DNAH17: variants seen among roughly 807,000 people sequenced by gnomAD.
DNAH17 encodes axonemal beta dynein heavy chain 17.
Under a neutral mutation model 485.6 loss-of-function variants are expected in DNAH17, and 376 were observed. The observed-to-expected ratio is 0.77, with a 90% CI of 0.71 to 0.84. The LOEUF is 0.84. Ranked by LOEUF, DNAH17 falls within the 40% of genes least tolerant of loss-of-function variation. The pLI is 0.00. For synonymous variants in DNAH17, 3,031 were observed against 2,405.9 expected (o/e 1.26, Z -7.60); for missense variants, 6,370 against 5,839.3 (o/e 1.09, Z -2.96).
intron 25 of DNAH17, among the ~76,000 whole-genome samples, chr17:78,516,228 G>C (rs1227464197): frequency 6.6e-6 from 1 of 152,242 alleles, no homozygotes; most frequent in African/African-American, 2.4e-5. Context: ...GTCTTGGCTA[G>C]TGTGTTTTGG....
chr17:78,541,229 GGATGGGT>G (rs2091569354), intron 17 of DNAH17, among the ~76,000 whole-genome samples: 1 of 25,688 alleles, frequency 3.9e-5, no homozygotes, highest in Non-Finnish European at 6.3e-5. Flanking sequence ...GGGGGTGAGC[GGATGGGT>G]GGGTGGGGGG....
At position 78,545,066 on chromosome 17, in the gene DNAH17, A is replaced by T. The variant is rs548462825; in HGVS notation, c.2392-1069T>A. 7.4e-3 allele frequency among the ~76,000 whole-genome samples: 1,054 copies of T among 143,030 alleles called. 32 individuals are homozygous for T. The East Asian group carries it at 0.074, about 10-fold the overall frequency. 93.8% of individuals were successfully genotyped at this position (143,030 alleles called of 152,430 possible). ...CACGGCTGCCTCTGTCACTCTTATC[A>T]TTTACGGACTCTACATCATCAATTC... On this transcript the variant is annotated intron_variant, in intron 16 of 80. Transcript: ENST00000389840.
intron 25 of DNAH17, chr17:78,522,506 G>C (rs149397865): frequency 5.9e-6 from 2 of 336,374 alleles, no homozygotes; most frequent in Non-Finnish European, 1.2e-5. Flanking sequence ...GGGGCCTCAC[G>C]AGGAGGGACA....
chr17:78,518,061 G>A (rs1352751327), intron 25 of DNAH17, among the ~76,000 whole-genome samples: 1 of 152,180 alleles, frequency 6.6e-6, no homozygotes, highest in Admixed American at 6.6e-5. Context: ...TCCTAAAAAT[G>A]TTAAAATAAA....
In DNAH17 at chr17:78,429,036, T is replaced by C. The variant is rs900627740; in HGVS notation, c.12405+85A>G. 4.8e-6 allele frequency: 7 copies of C among 1,451,126 alleles called. No homozygotes were observed. In the East Asian group the frequency reaches 1.6e-4, roughly 33 times the overall value. The allele number at this position is 1,451,126 out of a possible 1,614,324, so 89.9% of individuals were successfully genotyped here. ...GCTGCCTGGGTTCTTGCTCAATTAT[T>C]GACACTCCATTTGTGCTGGCAGGCT... On this transcript the variant is annotated intron_variant, in intron 76 of 80. Coordinates refer to ENST00000389840, the MANE Select transcript of DNAH17 (RefSeq NM_173628.4).
At chr17:78,552,238 G>A (rs779097772) in intron 15 of DNAH17, among the ~76,000 whole-genome samples, 3 of 152,194 alleles carry the variant, frequency 2.0e-5, no homozygotes, top group Non-Finnish European at 4.4e-5. Flanking sequence ...CAGAGATGGG[G>A]CCAGGGGGTC....
intron 75 of DNAH17, among the ~76,000 whole-genome samples, chr17:78,432,727 T>G (rs956911409): frequency 6.6e-6 from 1 of 152,180 alleles, no homozygotes; most frequent in Non-Finnish European, 1.5e-5. Context: ...GGTCTTGAGC[T>G]TTATTACAAG....
At position 78,455,756 on chromosome 17, in the gene DNAH17, C is replaced by T. The variant is rs751742547; in HGVS notation, c.10058G>A (p.Cys3353Tyr). 5.6e-6 allele frequency: 9 copies of T among 1,613,392 alleles called. No individual in the cohort carries two copies. Among genetic ancestry groups the T allele is most frequent in the Non-Finnish European group, 7.6e-6 (9 of 1,179,732 alleles). ...ENFRSQGVTL[C>Y]GDVLLISAFV... ...GGCAGAGATGAGCAGGACGTCCCCA[C>T]ACAGCGTGACCCCCTGGCTCCTGAA... Residue 3353 changes from cysteine (C) to tyrosine (Y), a missense_variant, in exon 63 of 81, where the codon TGT (cysteine) becomes TAT (tyrosine). By Grantham distance (194) the Cys-to-Tyr change is radical. Coordinates refer to ENST00000389840, the MANE Select transcript of DNAH17 (RefSeq NM_173628.4).
chr17:78,485,225 G>C (rs144552969), intron 47 of DNAH17, 192 bp from the exon 48 acceptor site: 3 of 715,846 alleles, frequency 4.2e-6, no homozygotes, highest in South Asian at 3.9e-5. Flanking sequence ...TAAACAGAGC[G>C]ATCAGAGGCG....
rs764357671 is a variant in DNAH17 at position 78,525,079 on chromosome 17, T to C, written c.3794A>G (p.Asp1265Gly). 5 of 1,613,834 alleles carry C rather than the reference T, an allele frequency of 3.1e-6. No individual in the cohort carries two copies. In the South Asian group the frequency reaches 5.5e-5, roughly 18 times the overall value. Residue 1265 changes from aspartate to glycine, a missense_variant, in exon 25 of 81, where the codon GAC (aspartate) becomes GGC (glycine). Asp to Gly is a moderately conservative substitution (Grantham distance 94, BLOSUM62 -1). Transcript: ENST00000389840. ...SGGLFEVPVP[D>G]YKQLKACHRE... is the part of the protein sequence containing the mutation. ...GTGGCAGGCCTTGAGCTGCTTGTAG[T>C]CTGGGACGGGGACCTCGAACAGGCC... is the stretch of plus-strand genomic sequence containing the variant.
intron 19 of DNAH17, among the ~76,000 whole-genome samples, chr17:78,534,507 G>T (rs537270488): frequency 1.3e-5 from 2 of 152,314 alleles, no homozygotes; most frequent in Admixed American, 1.3e-4. Flanking sequence ...TCAGCCATGG[G>T]CTCGCCTGTG....
Position 78,444,898 on chromosome 17 carries a change from G to T in DNAH17, c.11335-101C>A. ...CAAGGAGGAGAGGCCATTACCCTCC[G>T]AGGAAACCGGGGCTCTGGGATAAGG... On this transcript the variant is annotated intron_variant, in intron 70 of 80. Coordinates refer to ENST00000389840, the MANE Select transcript of DNAH17 (RefSeq NM_173628.4). 5 of 1,194,918 alleles carry T rather than the reference G, an allele frequency of 4.2e-6. No individual in the cohort carries two copies. In the South Asian group the frequency reaches 6.9e-5, roughly 17 times the overall value. 74.0% of individuals were successfully genotyped at this position (1,194,918 alleles called of 1,614,324 possible).
intron 78 of DNAH17, 101 bp from the exon 79 acceptor site, chr17:78,426,701 G>A (rs779625219): frequency 6.8e-7 from 1 of 1,480,610 alleles, no homozygotes; most frequent in South Asian, 1.3e-5. Context: ...GTGGCTTTGT[G>A]CTGCGCCTCT....
At chr17:78,519,154 C>T (rs1483785355) in intron 25 of DNAH17, among the ~76,000 whole-genome samples, 8 of 104,786 alleles carry the variant, frequency 7.6e-5, no homozygotes, top group Non-Finnish European at 1.0e-4. Context: ...GGTGAAAGAG[C>T]GAGACTCCGT....
At chr17:78,472,841 C>A in intron 54 of DNAH17, 1 of 424,478 alleles carries the variant, frequency 2.4e-6, no homozygotes, top group Non-Finnish European at 4.9e-6. Flanking sequence ...ACCCAGGTCA[C>A]CCTTCAGCAG....
Position 78,570,256 on chromosome 17 carries a change from G to T in DNAH17, c.1035C>A (p.Ile345=), listed in dbSNP as rs773506415. The part of the protein sequence containing the change: ...IVILQEFCNQ[I]IEMTRTFLSP... ...GCCAGGGGAGGGTTACCATCTCGAT[G>T]ATTTGGTTGCAGAACTCCTGCAGGA... The change falls in exon 7 of 81, where the codon ATC becomes ATA. Residue 345 remains isoleucine (I), a synonymous_variant. Coordinates refer to ENST00000389840, the MANE Select transcript of DNAH17 (RefSeq NM_173628.4). 2 of 1,586,616 alleles carry T rather than the reference G, an allele frequency of 1.3e-6. No individual in the cohort carries two copies. Among genetic ancestry groups the T allele is most frequent in the South Asian group, 1.2e-5 (1 of 86,608 alleles).
intron 71 of DNAH17, among the ~76,000 whole-genome samples, chr17:78,441,683 A>C (rs191881304): frequency 1.3e-5 from 2 of 152,182 alleles, no homozygotes; most frequent in Non-Finnish European, 2.9e-5. Context: ...CCTCCCATGG[A>C]GGACCGAGTG....
chr17:78,450,017 C>T, intron 68 of DNAH17: 1 of 558,204 alleles, frequency 1.8e-6, no homozygotes, highest in Non-Finnish European at 3.2e-6. Flanking sequence ...CTGGAGGCAC[C>T]AGGGGAAGAG....
intron 1 of DNAH17, among the ~76,000 whole-genome samples, chr17:78,575,683 C>T (rs1317954908): frequency 6.6e-6 from 1 of 152,108 alleles, no homozygotes; most frequent in South Asian, 2.1e-4. Flanking sequence ...TCCTGACAGA[C>T]CCCTCACAAG....
Sources: allele counts gnomAD v4.1 joint callset (sites outside exome capture counted in the v4.1 genomes callset), GRCh38; gene constraint gnomAD v4.1.1; transcripts MANE v1.5; gene names NCBI Gene and HGNC (gene_info 2026-07-23, HGNC 2026-07-21).